CLIP2: variants seen among roughly 807,000 people sequenced by gnomAD.
CLIP2 encodes the protein CAP-Gly domain containing linker protein 2, also known as CAP-Gly domain-containing linker protein 2.
A neutral mutation model predicts 111.7 loss-of-function variants in CLIP2; 41 were observed. That is an observed-to-expected ratio of 0.37 (90% CI 0.29 to 0.48). The LOEUF (loss-of-function observed/expected upper bound fraction) is 0.48. Ranked by LOEUF, CLIP2 falls within the 20% of genes least tolerant of loss-of-function variation. The probability of loss-of-function intolerance (pLI) is 0.99; values close to 1 mark genes in which losing one functional copy is unlikely to be tolerated. For synonymous variants in CLIP2, 660 were observed against 644.2 expected (o/e 1.02, Z -0.37); for missense variants, 1,160 against 1,422.1 (o/e 0.82, Z 2.96).
At chr7:74,345,031 C>T (rs1789765040) in intron 3 of CLIP2, among the ~76,000 whole-genome samples, 1 of 152,158 alleles carries the variant, frequency 6.6e-6, no homozygotes, top group Non-Finnish European at 1.5e-5. Context: ...CCTGGCTACT[C>T]TGAACTTCAG....
intron 1 of CLIP2, among the ~76,000 whole-genome samples, chr7:74,311,917 T>TAAAA (rs1306557485): frequency 2.0e-5 from 1 of 49,704 alleles, no homozygotes; most frequent in Non-Finnish European, 5.2e-5. Flanking sequence ...ATCTCAAGAA[T>TAAAA]AAAAAAAAAA....
chr7:74,376,535 A>G lies in CLIP2; in HGVS notation c.2134A>G (p.Ser712Gly). ...GCGGGCCCAGCTGGAGGTGCAAGCC[A>G]GCCAGCACCGGCTGGAGCTGCAGGA... ...HWRAQLEVQA[S>G]QHRLELQEAQ... Residue 712 changes from serine (S) to glycine (G), a missense_variant, in exon 10 of 17, where the codon AGC becomes GGC. Coordinates refer to ENST00000223398, the MANE Select transcript of CLIP2 (RefSeq NM_003388.5). The surrounding 1 kb of genome is among the most constrained non-coding windows in gnomAD (Gnocchi z 7.1). 1.0e-5 allele frequency: 16 copies of G among 1,604,352 alleles called. No individual in the cohort carries two copies. The highest frequency in any genetic ancestry group is 1.4e-5 in the Non-Finnish European group (16 of 1,176,508).
Position 74,405,863 on chromosome 7 carries a change from C to G in CLIP2, c.*2015C>G, listed in dbSNP as rs1791763162. 6.6e-6 allele frequency: 1 copy of G among 152,588 alleles called. No individual in the cohort carries two copies. The highest frequency in any genetic ancestry group is 2.4e-5 in the African/African-American group (1 of 41,462). 9.5% of individuals were successfully genotyped at this position (152,588 alleles called of 1,614,324 possible). A position where few individuals can be genotyped will look rare whatever the true frequency, so the allele number is the denominator to read the frequency against. On this transcript the variant is annotated 3_prime_UTR_variant, in exon 17 of 17. Coordinates refer to ENST00000223398, the MANE Select transcript of CLIP2 (RefSeq NM_003388.5). ...CCCCAGGTCCTTCATTCACCCCTCCCCTCCCCACAGTGGAATTGTTGAAGT... is the reference window on the plus strand; with the variant it reads ...CCCCAGGTCCTTCATTCACCCCTCCGCTCCCCACAGTGGAATTGTTGAAGT...
At chr7:74,363,883 G>A (rs193177934) in intron 7 of CLIP2, among the ~76,000 whole-genome samples, 7 of 135,860 alleles carry the variant, frequency 5.2e-5, no homozygotes, top group East Asian at 2.2e-4. Context: ...GCAACAGAGC[G>A]AGACTCTGTC....
intron 8 of CLIP2, among the ~76,000 whole-genome samples, chr7:74,371,299 G>T (rs1048510414): frequency 2.7e-5 from 4 of 148,450 alleles, no homozygotes; most frequent in African/African-American, 7.4e-5. Flanking sequence ...GAGTGGGACC[G>T]AATGAAGTTG....
chr7:74,358,933 C>T (rs376527144), intron 6 of CLIP2, among the ~76,000 whole-genome samples: 12 of 152,162 alleles, frequency 7.9e-5, no homozygotes, highest in African/African-American at 2.4e-4. Flanking sequence ...TGACATCTGA[C>T]GTGACTAGTC....
chr7:74,366,331 C>G (rs1472848355), intron 8 of CLIP2, among the ~76,000 whole-genome samples: 1 of 152,152 alleles, frequency 6.6e-6, no homozygotes, highest in African/African-American at 2.4e-5. Flanking sequence ...AGGGCTCAGT[C>G]CCAGGTCCGT....
chr7:74,350,711 T>C (rs893556680), intron 3 of CLIP2, among the ~76,000 whole-genome samples: 15 of 151,754 alleles, frequency 9.9e-5, no homozygotes, highest in Non-Finnish European at 1.6e-4. Flanking sequence ...CTAGAAAATG[T>C]TCAAAAATTA....
rs111269931 is a variant in CLIP2 at position 74,324,336 on chromosome 7, A to G, written c.121+6669A>G. On this transcript the variant is annotated intron_variant, in intron 2 of 16. Coordinates refer to ENST00000223398, the MANE Select transcript of CLIP2 (RefSeq NM_003388.5). ...TAGATTGTGCATTCTACTTTTTCTC[A>G]TCTTATTGCATCCTATGGGAAGCAC... Among the ~76,000 whole-genome samples, 754 of 152,020 alleles carry G rather than the reference A, an allele frequency of 5.0e-3. 8 individuals carry two copies. The highest frequency in any genetic ancestry group is 0.018 in the African/African-American group (729 of 41,482).
chr7:74,321,717 C>T (rs1788957487), intron 2 of CLIP2, among the ~76,000 whole-genome samples: 1 of 151,912 alleles, frequency 6.6e-6, no homozygotes, highest in Non-Finnish European at 1.5e-5. Context: ...ATCCCCCCGC[C>T]TTGGCCCCCC....
intron 12 of CLIP2, among the ~76,000 whole-genome samples, chr7:74,387,781 G>A (rs1554315058): frequency 6.6e-6 from 1 of 152,194 alleles, no homozygotes; most frequent in African/African-American, 2.4e-5. Context: ...CCCACACCAG[G>A]AGCCCAAGCA....
At chr7:74,291,279 A>T (rs1299681982) in intron 1 of CLIP2, among the ~76,000 whole-genome samples, 1 of 152,080 alleles carries the variant, frequency 6.6e-6, no homozygotes, top group Non-Finnish European at 1.5e-5. Context: ...TGCACCTGCA[A>T]ACTCCAGCCC....
chr7:74,356,812 T>C (rs1241957479), intron 5 of CLIP2, among the ~76,000 whole-genome samples, 189 bp downstream of exon 5: 2 of 152,206 alleles, frequency 1.3e-5, no homozygotes, highest in African/African-American at 4.8e-5. Flanking sequence ...TGTTTTTATA[T>C]AACTGATTTA....
intron 8 of CLIP2, among the ~76,000 whole-genome samples, chr7:74,366,748 C>T (rs1301070040): frequency 1.3e-5 from 2 of 152,076 alleles, no homozygotes; most frequent in East Asian, 1.9e-4. Context: ...TGGTGACGGG[C>T]GCCTCTAATC....
At chr7:74,299,705 T>C (rs1788273066) in intron 1 of CLIP2, among the ~76,000 whole-genome samples, 1 of 146,814 alleles carries the variant, frequency 6.8e-6, no homozygotes, top group Non-Finnish European at 1.5e-5. Flanking sequence ...CTTCTTCTTC[T>C]TTTTTTTTTT....
At chr7:74,353,055 G>A (rs1414056379) in intron 3 of CLIP2, among the ~76,000 whole-genome samples, 1 of 152,026 alleles carries the variant, frequency 6.6e-6, no homozygotes, top group Non-Finnish European at 1.5e-5. Context: ...GGAGGCTGAG[G>A]TGGGAGGATT....
At chr7:74,290,224 C>G (rs1300802574) in intron 1 of CLIP2, among the ~76,000 whole-genome samples, 1 of 152,188 alleles carries the variant, frequency 6.6e-6, no homozygotes, top group Non-Finnish European at 1.5e-5. Context: ...GGGACTGCCC[C>G]CCTCTCCTCC....
chr7:74,341,311 C>T (rs1258114740), intron 3 of CLIP2, among the ~76,000 whole-genome samples: 2 of 152,100 alleles, frequency 1.3e-5, no homozygotes. Flanking sequence ...CCTCAGCCTC[C>T]CGAGTAGCTG....
intron 3 of CLIP2, among the ~76,000 whole-genome samples, chr7:74,351,090 A>C (rs1554307435): frequency 3.8e-5 from 1 of 26,008 alleles, no homozygotes; most frequent in African/African-American, 6.7e-5. Flanking sequence ...AAAGAAAAAG[A>C]AGGAAGGGAA....
Sources: gnomAD v4.1 joint callset for allele counts (sites outside exome capture counted in the v4.1 genomes callset) on GRCh38, gnomAD v4.1.1 for gene constraint, Gnocchi (gnomAD v3.1) non-coding constraint, MANE v1.5 for transcripts, NCBI Gene and HGNC (gene_info 2026-07-23, HGNC 2026-07-21) for gene names.